RPS6KC1: variants seen among roughly 807,000 people sequenced by gnomAD.
RPS6KC1 encodes the protein inactive ribosomal protein S6 kinase delta-1.
In RPS6KC1, 54 loss-of-function variants were observed where a neutral mutation model predicts 103.8. That is an observed-to-expected ratio of 0.52 (90% CI 0.42 to 0.65). The LOEUF (loss-of-function observed/expected upper bound fraction) is 0.65. RPS6KC1 is among the 30% of genes least tolerant of loss of function. RPS6KC1 has a pLI of 0.00. For synonymous variants in RPS6KC1, 439 were observed against 438.7 expected, an observed-to-expected ratio of 1.00 and a Z score of -0.01; for missense variants, 1,151 against 1,253.8, an observed-to-expected ratio of 0.92 and a Z score of 1.24.
the RPS6KC1 span, among the ~76,000 whole-genome samples, chr1:213,422,884 A>G: frequency 3.3e-5 from 5 of 152,246 alleles, no homozygotes; most frequent in African/African-American, 1.2e-4. Context: ...AAGTACCAAT[A>G]GGTTGATGCT....
At chr1:213,644,333 G>A in the RPS6KC1 span, among the ~76,000 whole-genome samples, 5 of 151,798 alleles carry the variant, frequency 3.3e-5, no homozygotes, top group Non-Finnish European at 5.9e-5. Flanking sequence ...CACCAGAGAG[G>A]TACATTTGTT....
the RPS6KC1 span, among the ~76,000 whole-genome samples, chr1:213,418,179 C>T: frequency 4.6e-5 from 7 of 152,096 alleles, no homozygotes; most frequent in Admixed American, 2.0e-4. Flanking sequence ...TTGGGTTTTG[C>T]CAACCTTAAA....
chr1:213,281,575 C>T, the RPS6KC1 span, among the ~76,000 whole-genome samples: 3 of 152,230 alleles, frequency 2.0e-5, no homozygotes, highest in Non-Finnish European at 4.4e-5. Context: ...TGATCTGCAT[C>T]TCGCCCTTGC....
At chr1:213,484,096 T>C in the RPS6KC1 span, among the ~76,000 whole-genome samples, 9 of 152,126 alleles carry the variant, frequency 5.9e-5, no homozygotes, top group Non-Finnish European at 1.2e-4. Context: ...GATTTTATTT[T>C]ACACTAAATG....
chr1:213,190,274 G>A (rs2092701655), intron 8 of RPS6KC1, among the ~76,000 whole-genome samples: 1 of 152,118 alleles, frequency 6.6e-6, no homozygotes, highest in Non-Finnish European at 1.5e-5. Context: ...TCCACCAAGA[G>A]TATGAGGGCT....
At chr1:213,085,981 C>T (rs944424265) in intron 3 of RPS6KC1, among the ~76,000 whole-genome samples, 3 of 152,018 alleles carry the variant, frequency 2.0e-5, no homozygotes, top group Non-Finnish European at 4.4e-5. Flanking sequence ...CAGTGCTCAT[C>T]TTGAATTTAT....
intron 9 of RPS6KC1, among the ~76,000 whole-genome samples, 185 bp from the exon 10 acceptor site, chr1:213,231,938 C>A (rs1306334060): frequency 6.6e-6 from 1 of 152,196 alleles, no homozygotes; most frequent in East Asian, 1.9e-4. Flanking sequence ...TCTCTGGATT[C>A]ACGCCAGATG....
chr1:213,386,196 C>T, the RPS6KC1 span, among the ~76,000 whole-genome samples: 3 of 152,154 alleles, frequency 2.0e-5, no homozygotes, highest in Admixed American at 6.5e-5. Context: ...TCCTCTGTCG[C>T]CATGGGATCT....
the RPS6KC1 span, among the ~76,000 whole-genome samples, chr1:213,562,655 A>C: frequency 6.6e-6 from 1 of 151,792 alleles, no homozygotes; most frequent in Non-Finnish European, 1.5e-5. Context: ...GGTGTCAGCC[A>C]CTGCGCCTGG....
At chr1:213,065,800 A>C (rs1244779135) in intron 1 of RPS6KC1, among the ~76,000 whole-genome samples, 3 of 152,234 alleles carry the variant, frequency 2.0e-5, no homozygotes, top group Non-Finnish European at 4.4e-5. Flanking sequence ...GAAATAAACA[A>C]AAACCTAATG....
At chr1:213,055,400 C>T (rs2077255626) in intron 1 of RPS6KC1, among the ~76,000 whole-genome samples, 1 of 151,938 alleles carries the variant, frequency 6.6e-6, no homozygotes, top group Non-Finnish European at 1.5e-5. Flanking sequence ...TGTTTCATTC[C>T]CTTTTATTGC....
the RPS6KC1 span, among the ~76,000 whole-genome samples, chr1:213,636,096 C>G: frequency 6.6e-6 from 1 of 152,094 alleles, no homozygotes; most frequent in Non-Finnish European, 1.5e-5. Flanking sequence ...GAACTACAAA[C>G]CACTGCTCAA....
chr1:213,587,265 C>T, the RPS6KC1 span, among the ~76,000 whole-genome samples: 1 of 152,096 alleles, frequency 6.6e-6, no homozygotes, highest in Non-Finnish European at 1.5e-5. Flanking sequence ...CAAAGGGAAA[C>T]AAATCAATGC....
chr1:213,228,061 A>C (rs138894721), intron 8 of RPS6KC1, among the ~76,000 whole-genome samples: 1 of 152,306 alleles, frequency 6.6e-6, no homozygotes, highest in Non-Finnish European at 1.5e-5. Context: ...TCGAAGTCTC[A>C]CTGGGAGACA....
chr1:213,457,590 A>C, the RPS6KC1 span, among the ~76,000 whole-genome samples: 1 of 152,214 alleles, frequency 6.6e-6, no homozygotes, highest in East Asian at 1.9e-4. Flanking sequence ...ACCAGAGCTC[A>C]GGTTGATTTC....
intron 8 of RPS6KC1, among the ~76,000 whole-genome samples, chr1:213,178,337 C>G (rs1453983300): frequency 6.6e-6 from 1 of 151,462 alleles, no homozygotes; most frequent in African/African-American, 2.4e-5. Context: ...ACCAGGAGTT[C>G]GAGACCAGCC....
chr1:213,473,709 C>T, the RPS6KC1 span, among the ~76,000 whole-genome samples: 4 of 152,348 alleles, frequency 2.6e-5, no homozygotes, highest in South Asian at 2.1e-4. Context: ...CGGAAGTCCA[C>T]GTTAGGTTTG....
At chr1:213,270,593 TAGTG>T (rs77823019) in intron 14 of RPS6KC1, among the ~76,000 whole-genome samples, 40,763 of 151,686 alleles carry the variant, frequency 0.27, 6,264 homozygotes, top group Admixed American at 0.4. Flanking sequence ...CTTGACAACA[TAGTG>T]AGACCCCGCC....
chr1:213,356,192 C>T, the RPS6KC1 span, among the ~76,000 whole-genome samples: 2 of 152,182 alleles, frequency 1.3e-5, no homozygotes, highest in Non-Finnish European at 2.9e-5. Flanking sequence ...TGTGGTATAA[C>T]AGGGGTGGTA....
Sources: gnomAD v4.1 joint callset for allele counts (sites outside exome capture counted in the v4.1 genomes callset) on GRCh38, gnomAD v4.1.1 for gene constraint, MANE v1.5 for transcripts, NCBI Gene and HGNC (gene_info 2026-07-23, HGNC 2026-07-21) for gene names.